The following CPT1C variants were observed in gnomAD, a reference collection of about 807,000 sequenced individuals.
CPT1C encodes palmitoyl thioesterase CPT1C.
CPT1C carries 61 observed loss-of-function variants against 97.3 expected under a neutral mutation model. The observed-to-expected ratio is 0.63, with a 90% confidence interval of 0.51 to 0.78. CPT1C has a LOEUF of 0.78. Among genes scored for constraint, CPT1C ranks in the 30% least tolerant of loss-of-function variants. The pLI is 0.00. For missense variants in CPT1C, 975 were observed against 1,065.5 expected (o/e 0.92, Z 1.18); for synonymous variants, 469 against 447.2 (o/e 1.05, Z -0.61).
At chr19:49,702,895 G>C (rs2083263667) in intron 7 of CPT1C, among the ~76,000 whole-genome samples, 7 of 152,096 alleles carry the variant, frequency 4.6e-5, no homozygotes, top group Admixed American at 4.6e-4. Context: ...TGCAGCAAGA[G>C]TGAGAGGGGA....
intron 8 of CPT1C, 60 bp downstream of exon 8, chr19:49,704,847 C>T (rs919831245): frequency 3.1e-5 from 46 of 1,499,334 alleles, no homozygotes; most frequent in Admixed American, 2.7e-4. Flanking sequence ...GGTACCTGGG[C>T]GGAATGTGAC....
At chr19:49,710,217 C>T in intron 14 of CPT1C, 103 bp from the exon 15 acceptor site, 1 of 1,141,534 alleles carries the variant, frequency 8.8e-7, no homozygotes, top group Non-Finnish European at 1.3e-6. Flanking sequence ...TATTCTGCCG[C>T]AACCTTAACT....
At chr19:49,708,416 G>A (rs546121589) in intron 13 of CPT1C, among the ~76,000 whole-genome samples, 1 of 152,164 alleles carries the variant, frequency 6.6e-6, no homozygotes, top group African/African-American at 2.4e-5. Context: ...GCAGGAGGAT[G>A]GCTTGAGCCC....
chr19:49,697,180 G>A (rs1187576131), intron 3 of CPT1C, 146 bp from the exon 4 acceptor site: 4 of 971,174 alleles, frequency 4.1e-6, no homozygotes, highest in Non-Finnish European at 6.3e-6. Flanking sequence ...CTGAGGGCAG[G>A]ACCTGGATCT....
chr19:49,695,772 G>T (rs540451315), intron 3 of CPT1C, among the ~76,000 whole-genome samples: 3 of 150,658 alleles, frequency 2.0e-5, no homozygotes, highest in Non-Finnish European at 3.0e-5. Context: ...TAGTAGAGAC[G>T]GGGTTTCACC....
chr19:49,704,517 A>G (rs12976936), intron 7 of CPT1C, among the ~76,000 whole-genome samples, 193 bp from the exon 8 acceptor site: 19,270 of 152,236 alleles, frequency 0.13, 1,435 homozygotes, highest in Non-Finnish European at 0.17. Flanking sequence ...CTGCCGGAGT[A>G]TAACAGGGTT....
intron 3 of CPT1C, among the ~76,000 whole-genome samples, chr19:49,693,735 A>G (rs12980063): frequency 0.48 from 72,169 of 151,640 alleles, 18,965 homozygotes; most frequent in African/African-American, 0.73. Flanking sequence ...ACCAGCCTGG[A>G]CAACATAGGG....
At position 49,700,745 on chromosome 19, in the gene CPT1C, TG is replaced by T; in HGVS notation, c.347del (p.Gly116GlufsTer3). ...LAAALFASCL[W>X]GALIFTLHVA... ...AGCCGCGCTGTTTGCCTCGTGTTTGTGGGGAGCCCTGATCTTCACACTGCAC... is the reference window on the plus strand; with the variant it reads ...AGCCGCGCTGTTTGCCTCGTGTTTGTGGGAGCCCTGATCTTCACACTGCAC... On this transcript the variant is annotated frameshift_variant, in exon 5 of 20. Coordinates refer to ENST00000598293, the MANE Select transcript of CPT1C (RefSeq NM_001199753.2). LOFTEE classifies it high-confidence loss of function. 1 of 1,612,890 alleles carries T rather than the reference TG, an allele frequency of 6.2e-7. No individual in the cohort carries two copies.
At chr19:49,711,065 A>G in intron 16 of CPT1C, 1 of 484,180 alleles carries the variant, frequency 2.1e-6, no homozygotes. Flanking sequence ...GTGGTCTCAC[A>G]GGGCACTGGG....
intron 13 of CPT1C, among the ~76,000 whole-genome samples, chr19:49,708,227 G>C (rs183873293): frequency 2.4e-3 from 358 of 152,114 alleles, no homozygotes; most frequent in African/African-American, 8.4e-3. Context: ...GCTCATGCCT[G>C]TAATCCCAGC....
Position 49,711,853 on chromosome 19 carries a change from C to A in CPT1C, c.1911C>A (p.His637Gln), listed in dbSNP as rs2083906595. ...LALFRVAVDK[H>Q]QALLKAAMSG... ...TGTTCCGCGTGGCAGTGGACAAGCA[C>A]CAGGCTCTGCTGAAGGCAGCCATGA... The change falls in exon 17 of 20, where the codon CAC becomes CAA. Residue 637 changes from histidine (H) to glutamine (Q), a missense_variant. His to Gln is a conservative substitution (Grantham distance 24). Coordinates refer to ENST00000598293, the MANE Select transcript of CPT1C (RefSeq NM_001199753.2). The A allele has an allele frequency of 1.2e-6, 2 of 1,613,838 alleles. No individual in the cohort carries two copies. Among genetic ancestry groups the A allele is most frequent in the South Asian group, 2.2e-5 (2 of 91,094 alleles).
rs1481092171 is a variant in CPT1C, at chr19:49,706,400, C to T, written c.1330C>T (p.Arg444Trp). 2.7e-6 allele frequency: 4 copies of T among 1,486,316 alleles called. No individual in the cohort carries two copies. The highest frequency in any genetic ancestry group is 3.6e-6 in the Non-Finnish European group (4 of 1,125,618). The allele number at this position is 1,486,316 out of a possible 1,614,324, so 92.1% of individuals were successfully genotyped here. A position where few individuals can be genotyped will look rare whatever the true frequency, so the allele number is the denominator to read the frequency against. Residue 444 changes from arginine (R) to tryptophan (W), a missense_variant, in exon 12 of 20, where the codon CGG becomes TGG. Physicochemically the swap from Arg to Trp is moderately radical, Grantham distance 101 (BLOSUM62 -3). Coordinates refer to ENST00000598293, the MANE Select transcript of CPT1C (RefSeq NM_001199753.2). The surrounding 1 kb of genome is among the most constrained non-coding windows in gnomAD (Gnocchi z 4.8). ...CTACGCCCATGCTCTGCTGGCCGGCCGGGGCCATGATCGGTGAGTGAGTCT... is the reference window on the plus strand; with the variant it reads ...CTACGCCCATGCTCTGCTGGCCGGCTGGGGCCATGATCGGTGAGTGAGTCT... ...DAYAHALLAG[R>W]GHDRWFDKSF... is the part of the protein sequence containing the mutation.
intron 4 of CPT1C, among the ~76,000 whole-genome samples, chr19:49,699,815 G>T (rs529620363): frequency 2.6e-5 from 4 of 152,304 alleles, no homozygotes; most frequent in African/African-American, 9.6e-5. Flanking sequence ...TTAGCTGGGC[G>T]TGGTGGCGGG....
At chr19:49,710,628 C>T in intron 15 of CPT1C, 95 bp from the exon 16 acceptor site, 3 of 1,555,938 alleles carry the variant, frequency 1.9e-6, no homozygotes, top group Non-Finnish European at 2.6e-6. Context: ...CTTGGGCTGG[C>T]TGGAGGAGGC....
rs947974855 is a variant in CPT1C, at chr19:49,712,140, C to G, written c.2019+179C>G. The G allele has an allele frequency of 7.0e-6, 5 of 711,774 alleles. No homozygotes were observed. The East Asian group carries it at 1.5e-4, about 21-fold the overall frequency. The allele number at this position is 711,774 out of a possible 1,614,324, so 44.1% of individuals were successfully genotyped here. ...GGCGGATCACTTGAGGTCAAGAGTTCGAGACCAGCCTGGCCAACTTGGCGA... is the reference window on the plus strand; with the variant it reads ...GGCGGATCACTTGAGGTCAAGAGTTGGAGACCAGCCTGGCCAACTTGGCGA... On this transcript the variant is annotated intron_variant, in intron 17 of 19. Transcript: ENST00000598293.
chr19:49,696,702 G>C (rs12976001), intron 3 of CPT1C: 19,060 of 150,632 alleles, frequency 0.13, 1,440 homozygotes, highest in Non-Finnish European at 0.17. Flanking sequence ...GCGTGATCTT[G>C]GATCACTGCA....
At position 49,705,978 on chromosome 19, in the gene CPT1C, G is replaced by C. The variant is rs1365388312; in HGVS notation, c.1034G>C (p.Gly345Ala). The C allele has an allele frequency of 6.2e-7, 1 of 1,613,800 alleles. No individual in the cohort carries two copies. Among genetic ancestry groups the C allele is most frequent in the Non-Finnish European group, 8.5e-7 (1 of 1,179,976 alleles). The stretch of plus-strand genomic sequence containing the variant: ...CACCGGGGCCGATTCTTCCGCATGG[G>C]GACCCACTCCCGAAACAGCCTGCTT... ...VFHRGRFFRM[G>A]THSRNSLLSP... is the part of the protein sequence containing the mutation. The change falls in exon 11 of 20, where the codon GGG becomes GCG. Residue 345 changes from glycine (G) to alanine (A), a missense_variant. By Grantham distance (60) the Gly-to-Ala change is moderately conservative (BLOSUM62 0). This residue lies in a region of CPT1C where 596 missense variants were observed against 603.1 expected (regional missense o/e 0.99). Coordinates refer to ENST00000598293, the MANE Select transcript of CPT1C (RefSeq NM_001199753.2).
intron 3 of CPT1C, among the ~76,000 whole-genome samples, chr19:49,696,160 A>T (rs1159372686): frequency 1.3e-5 from 2 of 152,204 alleles, no homozygotes; most frequent in African/African-American, 4.8e-5. Flanking sequence ...TACAGGCATG[A>T]GCTACTGCGC....
rs1169662584 is a variant in CPT1C, at chr19:49,702,621, A to AAAAAAAAAAAAGAAAAG, written c.693+1001_693+1017dup. On this transcript the variant is annotated intron_variant, in intron 7 of 19. Coordinates refer to ENST00000598293, the MANE Select transcript of CPT1C (RefSeq NM_001199753.2). ...GGCCACAGAGCAAGACTCTGTCTCA[A>AAAAAAAAAAAAGAAAAG]AAAAAAAAAAAGAAAAGAAAAAAAA... is the stretch of plus-strand genomic sequence containing the variant. Among the ~76,000 whole-genome samples the AAAAAAAAAAAAGAAAAG allele has an allele frequency of 2.8e-5, 4 of 144,172 alleles. No homozygotes were observed. In the South Asian group the frequency reaches 8.5e-4, roughly 31 times the overall value. The allele number at this position is 144,172 out of a possible 152,430, so 94.6% of individuals were successfully genotyped here. A position where few individuals can be genotyped will look rare whatever the true frequency, so the allele number is the denominator to read the frequency against.
Sources: gnomAD v4.1 joint callset for allele counts (sites outside exome capture counted in the v4.1 genomes callset) on GRCh38, gnomAD v4.1.1 for gene constraint, gnomAD v4.1.1 regional missense constraint, Gnocchi (gnomAD v3.1) non-coding constraint, MANE v1.5 for transcripts, NCBI Gene and HGNC (gene_info 2026-07-23, HGNC 2026-07-21) for gene names.